CRISP1: variants seen among roughly 807,000 people sequenced by gnomAD.
The protein encoded by CRISP1 is cysteine-rich secretory protein 1.
CRISP1 carries 44 observed loss-of-function variants against 33.1 expected under a neutral mutation model. The observed-to-expected ratio is 1.33, with a 90% CI of 1.05 to 1.71. CRISP1 has a LOEUF of 1.71. CRISP1 is among the 40% of genes most tolerant of loss of function. The pLI is 0.00. For synonymous variants in CRISP1, 103 were observed against 98.7 expected, an observed-to-expected ratio of 1.04 and a Z score of -0.26; for missense variants, 390 against 301.2, an observed-to-expected ratio of 1.29 and a Z score of -2.18.
intron 1 of CRISP1, among the ~76,000 whole-genome samples, chr6:49,862,135 G>C (rs1771671164): frequency 6.6e-6 from 1 of 152,080 alleles, no homozygotes; most frequent in Non-Finnish European, 1.5e-5. Context: ...CAGATGATAT[G>C]ATCTTATGTC....
intron 1 of CRISP1, among the ~76,000 whole-genome samples, chr6:49,861,401 T>C (rs1295697403): frequency 6.6e-6 from 1 of 152,112 alleles, no homozygotes; most frequent in Non-Finnish European, 1.5e-5. Context: ...ACCATGATCA[T>C]TATAGCAGTG....
At chr6:49,845,714 A>AT (rs1771142412) in intron 5 of CRISP1, among the ~76,000 whole-genome samples, 1 of 151,920 alleles carries the variant, frequency 6.6e-6, no homozygotes, top group Admixed American at 6.6e-5. Context: ...AGCCAAAAAA[A>AT]AAAATGGAAA....
upstream of CRISP1, among the ~76,000 whole-genome samples, chr6:49,871,395 T>C (rs1771919538): frequency 6.6e-6 from 1 of 152,126 alleles, no homozygotes; most frequent in Non-Finnish European, 1.5e-5. Flanking sequence ...AGGGAAGTAA[T>C]CCATGAATCT....
rs1235029116 is a variant in CRISP1 at position 49,861,013 on chromosome 6, T to G, written c.-2-3611A>C. ...ATTTTAGAGAAAATGAATAAATTCCTGGAGACATACAACCTACCAAGATTG... is the reference window on the plus strand; with the variant it reads ...ATTTTAGAGAAAATGAATAAATTCCGGGAGACATACAACCTACCAAGATTG... On this transcript the variant is annotated intron_variant, in intron 1 of 7. Coordinates refer to ENST00000335847, the MANE Select transcript of CRISP1 (RefSeq NM_001131.3). Among the ~76,000 whole-genome samples, 3 of 152,174 alleles carry G rather than the reference T, an allele frequency of 2.0e-5. No individual in the cohort carries two copies. In the East Asian group the frequency reaches 5.8e-4, roughly 29 times the overall value.
intron 3 of CRISP1, among the ~76,000 whole-genome samples, chr6:49,849,967 TGGG>T (rs1771299903): frequency 6.6e-6 from 1 of 151,870 alleles, no homozygotes; most frequent in South Asian, 2.1e-4. Context: ...CTCTCTGGGC[TGGG>T]GGAATACCAT....
chr6:49,873,833 T>G (rs1000164697), intron 1 of CRISP1, among the ~76,000 whole-genome samples: 2 of 152,064 alleles, frequency 1.3e-5, no homozygotes, highest in Non-Finnish European at 2.9e-5. Flanking sequence ...ACCTCCAGAT[T>G]TTATTTCTCC....
chr6:49,865,704 C>A (rs1365486461), intron 1 of CRISP1, among the ~76,000 whole-genome samples: 1 of 151,892 alleles, frequency 6.6e-6, no homozygotes. Context: ...AGTGAGGGAG[C>A]AGGAAGGGCC....
At chr6:49,859,520 C>T (rs923577782) in intron 1 of CRISP1, among the ~76,000 whole-genome samples, 2 of 151,658 alleles carry the variant, frequency 1.3e-5, no homozygotes, top group Non-Finnish European at 1.5e-5. Context: ...GAATTTACTA[C>T]CATTAGACTG....
At position 49,834,365 on chromosome 6, in the gene CRISP1, C is replaced by T. The variant is rs1770710843; in HGVS notation, c.*951G>A. On this transcript the variant is annotated 3_prime_UTR_variant, in exon 8 of 8. Transcript: ENST00000335847. ...TTAAAATTTGACCAAGTATTTTTAGCCTTCCCTTTCCCCATGTCAGGCCCT... is the reference window on the plus strand; with the variant it reads ...TTAAAATTTGACCAAGTATTTTTAGTCTTCCCTTTCCCCATGTCAGGCCCT... 6.6e-6 allele frequency: 1 copy of T among 151,838 alleles called. No individual in the cohort carries two copies. The highest frequency in any genetic ancestry group is 2.4e-5 in the African/African-American group (1 of 41,308). The allele number at this position is 151,838 out of a possible 1,614,324, so 9.4% of individuals were successfully genotyped here. A position where few individuals can be genotyped will look rare whatever the true frequency, so the allele number is the denominator to read the frequency against.
intron 4 of CRISP1, among the ~76,000 whole-genome samples, chr6:49,847,295 TC>T (rs1037903737): frequency 2.0e-5 from 3 of 152,164 alleles, no homozygotes; most frequent in African/African-American, 7.2e-5. Flanking sequence ...AGTTTGGATG[TC>T]CCCTCCAAAT....
intron 2 of CRISP1, among the ~76,000 whole-genome samples, chr6:49,854,050 C>T (rs1771427010): frequency 6.6e-6 from 1 of 152,200 alleles, no homozygotes; most frequent in Admixed American, 6.5e-5. Flanking sequence ...CCCCCATTCA[C>T]AACCACCTTC....
chr6:49,851,948 T>C, intron 3 of CRISP1, 53 bp downstream of exon 3: 2 of 1,556,574 alleles, frequency 1.3e-6, no homozygotes, highest in Non-Finnish European at 1.7e-6. Context: ...TAAAACTCAG[T>C]AAACACCATT....
intron 1 of CRISP1, among the ~76,000 whole-genome samples, chr6:49,859,981 T>A (rs1317367828): frequency 6.6e-6 from 1 of 152,010 alleles, no homozygotes; most frequent in Non-Finnish European, 1.5e-5. Context: ...CTTATAGCTA[T>A]AAGATAAAAC....
chr6:49,876,319 A>G (rs1772034961), intron 1 of CRISP1, among the ~76,000 whole-genome samples: 1 of 152,164 alleles, frequency 6.6e-6, no homozygotes, highest in Non-Finnish European at 1.5e-5. Context: ...GAGAAATGCA[A>G]ATCAAAACCA....
In CRISP1 at chr6:49,840,788, A is replaced by G. The variant is rs183219803; in HGVS notation, c.533+110T>C. The G allele has an allele frequency of 2.5e-4, 185 of 746,496 alleles. 1 individual carries two copies. The East Asian group carries it at 4.9e-3, about 20-fold the overall frequency. 46.2% of individuals were successfully genotyped at this position (746,496 alleles called of 1,614,324 possible). On this transcript the variant is annotated intron_variant, in intron 6 of 7. Transcript: ENST00000335847. The stretch of plus-strand genomic sequence containing the variant: ...TCTGGGTTATTTCCAGCTCTTGTCT[A>G]TTATGAATAAAGTTGCTACAAACAT...
chr6:49,850,983 A>T (rs570854560), intron 3 of CRISP1, among the ~76,000 whole-genome samples: 1 of 152,298 alleles, frequency 6.6e-6, no homozygotes, highest in Admixed American at 6.5e-5. Context: ...ATAATATGTA[A>T]AATGAAGACA....
intron 4 of CRISP1, among the ~76,000 whole-genome samples, chr6:49,847,811 T>C (rs1439775434): frequency 6.6e-6 from 1 of 152,136 alleles, no homozygotes; most frequent in Non-Finnish European, 1.5e-5. Flanking sequence ...GGGCTGCATA[T>C]AACTTATTTC....
chr6:49,855,488 A>C (rs992899266), intron 2 of CRISP1, among the ~76,000 whole-genome samples: 2 of 150,578 alleles, frequency 1.3e-5, no homozygotes, highest in South Asian at 2.1e-4. Flanking sequence ...CCTTCCTGCC[A>C]TAGAATATTT....
At chr6:49,863,367 G>A (rs1229808044) in intron 1 of CRISP1, among the ~76,000 whole-genome samples, 1 of 152,090 alleles carries the variant, frequency 6.6e-6, no homozygotes, top group Non-Finnish European at 1.5e-5. Flanking sequence ...TTCAACCAAG[G>A]AATTACATAG....
Sources: allele counts gnomAD v4.1 joint callset (sites outside exome capture counted in the v4.1 genomes callset), GRCh38; gene constraint gnomAD v4.1.1; transcripts MANE v1.5; gene names NCBI Gene and HGNC (gene_info 2026-07-23, HGNC 2026-07-21).